TNFSF8: variants seen among roughly 807,000 people sequenced by gnomAD.
The protein encoded by TNFSF8 is TNF superfamily member 8.
Under a neutral mutation model 22.0 loss-of-function variants are expected in TNFSF8, and 4 were observed. That is an observed-to-expected ratio of 0.18 (90% CI 0.09 to 0.42). TNFSF8 has a LOEUF of 0.42. Among genes scored for constraint, TNFSF8 ranks in the 10% least tolerant of loss-of-function variants. The probability of loss-of-function intolerance (pLI) is 1.00; values close to 1 mark genes in which losing one functional copy is unlikely to be tolerated. For missense variants in TNFSF8, 233 were observed against 281.8 expected, an observed-to-expected ratio of 0.83 and a Z score of 1.24; for synonymous variants, 106 against 112.5, an observed-to-expected ratio of 0.94 and a Z score of 0.37.
intron 2 of TNFSF8, among the ~76,000 whole-genome samples, chr9:114,906,306 T>C (rs1827784578): frequency 6.6e-6 from 1 of 152,244 alleles, no homozygotes; most frequent in Non-Finnish European, 1.5e-5. Context: ...TGAAATACAT[T>C]GTTTCGTGGT....
At chr9:114,920,241 T>C (rs1272036028) in intron 1 of TNFSF8, among the ~76,000 whole-genome samples, 2 of 152,188 alleles carry the variant, frequency 1.3e-5, no homozygotes, top group African/African-American at 4.8e-5. Flanking sequence ...AAGAAAAATA[T>C]CTGCATTGAA....
intron 2 of TNFSF8, among the ~76,000 whole-genome samples, chr9:114,915,770 C>T (rs1010731471): frequency 1.0e-5 from 1 of 97,482 alleles, no homozygotes; most frequent in East Asian, 2.4e-4. Flanking sequence ...GTTTCACAGT[C>T]CCATGGGGAT....
rs1285468389 is a variant in TNFSF8, at chr9:114,894,192, A to G, written c.410-28T>C. The stretch of plus-strand genomic sequence containing the variant: ...GGAAGAAAGAATAACTTTACTTTGT[A>G]GATATCGGCAGGAGAGATGTGATAC... On this transcript the variant is annotated intron_variant, in intron 4 of 4. Coordinates refer to the TNFSF8 transcript ENST00000618336. 2.0e-6 allele frequency: 3 copies of G among 1,511,132 alleles called. No homozygotes were observed. In the African/African-American group the frequency reaches 4.1e-5, roughly 21 times the overall value. The allele number at this position is 1,511,132 out of a possible 1,614,324, so 93.6% of individuals were successfully genotyped here. A position where few individuals can be genotyped will look rare whatever the true frequency, so the allele number is the denominator to read the frequency against.
chr9:114,922,785 G>A (rs911222579), intron 1 of TNFSF8, among the ~76,000 whole-genome samples: 5 of 152,172 alleles, frequency 3.3e-5, no homozygotes, highest in African/African-American at 1.2e-4. Flanking sequence ...GGACCACAGT[G>A]GCTTAAAGCA....
intron 2 of TNFSF8, among the ~76,000 whole-genome samples, chr9:114,917,722 A>G (rs1452100216): frequency 6.6e-6 from 1 of 152,214 alleles, no homozygotes; most frequent in South Asian, 2.1e-4. Flanking sequence ...TATTATTATT[A>G]TTCCCATTTA....
At chr9:114,916,430 A>C (rs1827919661) in intron 2 of TNFSF8, among the ~76,000 whole-genome samples, 1 of 152,138 alleles carries the variant, frequency 6.6e-6, no homozygotes, top group Admixed American at 6.5e-5. Flanking sequence ...AGGTCTTATT[A>C]CCTAATCAAA....
chr9:114,929,950 G>A (rs1462458217), intron 1 of TNFSF8, among the ~76,000 whole-genome samples, 159 bp downstream of exon 1: 1 of 145,560 alleles, frequency 6.9e-6, no homozygotes, highest in South Asian at 2.2e-4. Context: ...ACGTTATACA[G>A]TATATACTAT....
At chr9:114,909,307 C>G (rs989313841) in intron 2 of TNFSF8, among the ~76,000 whole-genome samples, 13 of 152,230 alleles carry the variant, frequency 8.5e-5, no homozygotes, top group African/African-American at 3.1e-4. Context: ...TCTGCAATGT[C>G]CCTGGAATTC....
In TNFSF8 at chr9:114,930,322, C is replaced by A; in HGVS notation, c.-19G>T. 1 of 1,479,852 alleles carries A rather than the reference C, an allele frequency of 6.8e-7. No homozygotes were observed. The highest frequency in any genetic ancestry group is 9.0e-7 in the Non-Finnish European group (1 of 1,108,028). The allele number at this position is 1,479,852 out of a possible 1,614,324, so 91.7% of individuals were successfully genotyped here. A position where few individuals can be genotyped will look rare whatever the true frequency, so the allele number is the denominator to read the frequency against. On this transcript the variant is annotated 5_prime_UTR_variant, in exon 1 of 4. Coordinates refer to ENST00000223795, the MANE Select transcript of TNFSF8 (RefSeq NM_001244.4). ...GGTCCATTCTTTATATAGTCTTCCC[C>A]ACATCACACCTTATCTCTCTTCATC...
chr9:114,907,205 G>C (rs898341668), intron 2 of TNFSF8, among the ~76,000 whole-genome samples: 4 of 152,062 alleles, frequency 2.6e-5, no homozygotes, highest in Non-Finnish European at 5.9e-5. Flanking sequence ...AGGCACTCCG[G>C]GCAGAAGCAG....
chr9:114,898,743 A>T (rs2131338605), downstream of TNFSF8, among the ~76,000 whole-genome samples: 1 of 152,298 alleles, frequency 6.6e-6, no homozygotes, highest in South Asian at 2.1e-4. Flanking sequence ...GTTTGGCAGG[A>T]AGGGGTTTAT....
intron 2 of TNFSF8, among the ~76,000 whole-genome samples, chr9:114,907,219 C>A (rs996748833): frequency 2.0e-5 from 3 of 152,134 alleles, no homozygotes; most frequent in Non-Finnish European, 4.4e-5. Context: ...GAAGCAGGGG[C>A]AGTTTTCCTC....
chr9:114,925,469 G>A (rs1437296867), intron 1 of TNFSF8, among the ~76,000 whole-genome samples: 1 of 152,028 alleles, frequency 6.6e-6, no homozygotes, highest in Non-Finnish European at 1.5e-5. Context: ...GGACTCTCTA[G>A]CTTGGAACAC....
In TNFSF8 at chr9:114,902,668, A is replaced by G. The variant is rs1387754535; in HGVS notation, c.*1263T>C. On this transcript the variant is annotated 3_prime_UTR_variant, in exon 4 of 4. Coordinates refer to ENST00000223795, the MANE Select transcript of TNFSF8 (RefSeq NM_001244.4). ...CAGTCAGGTGTTACTAGTGTCTTCA[A>G]TTATATACTGGGGTAGGGGGGCCTT... The G allele has an allele frequency of 2.0e-6, 2 of 985,324 alleles. No individual in the cohort carries two copies. The highest frequency in any genetic ancestry group is 1.2e-6 in the Non-Finnish European group (1 of 829,908). The allele number at this position is 985,324 out of a possible 1,614,324, so 61.0% of individuals were successfully genotyped here. A position where few individuals can be genotyped will look rare whatever the true frequency, so the allele number is the denominator to read the frequency against.
intron 2 of TNFSF8, among the ~76,000 whole-genome samples, chr9:114,909,878 G>C (rs1278035062): frequency 6.6e-6 from 1 of 152,234 alleles, no homozygotes; most frequent in African/African-American, 2.4e-5. Flanking sequence ...TTGGAGAAAT[G>C]AAAGTTCCCT....
chr9:114,923,366 C>G (rs1828012684), intron 1 of TNFSF8, among the ~76,000 whole-genome samples: 1 of 152,128 alleles, frequency 6.6e-6, no homozygotes, highest in Non-Finnish European at 1.5e-5. Context: ...TTTTTCAACC[C>G]TCAGTGCATT....
chr9:114,901,811 C>G lies in TNFSF8; in HGVS notation c.*2120G>C, dbSNP rs372571065. 1.0e-6 allele frequency: 1 copy of G among 974,532 alleles called. No individual in the cohort carries two copies. The highest frequency in any genetic ancestry group is 1.2e-6 in the Non-Finnish European group (1 of 820,110). The allele number at this position is 974,532 out of a possible 1,614,324, so 60.4% of individuals were successfully genotyped here. ...TTACTAAATATTTCATAGAGGAGAC[C>G]TAGGAGGAGGTTGACACAGCACACT... On this transcript the variant is annotated 3_prime_UTR_variant, in exon 4 of 4. Transcript: ENST00000223795.
chr9:114,912,298 T>C (rs781065219), intron 2 of TNFSF8, among the ~76,000 whole-genome samples: 5 of 152,196 alleles, frequency 3.3e-5, no homozygotes, highest in Non-Finnish European at 5.9e-5. Flanking sequence ...CCCTAGTCCA[T>C]GGTTTGTGCT....
downstream of TNFSF8, among the ~76,000 whole-genome samples, chr9:114,899,918 G>T (rs962484292): frequency 8.5e-5 from 13 of 152,120 alleles, no homozygotes; most frequent in Non-Finnish European, 1.8e-4. Flanking sequence ...GAGTATTTTT[G>T]CTGTATAGAA....
Sources: gnomAD v4.1 joint callset for allele counts (sites outside exome capture counted in the v4.1 genomes callset) on GRCh38, gnomAD v4.1.1 for gene constraint, MANE v1.5 for transcripts, NCBI Gene and HGNC (gene_info 2026-07-23, HGNC 2026-07-21) for gene names.